Variants in SPAG9 observed in about 807,000 individuals in gnomAD.
The protein encoded by SPAG9 is C-Jun-amino-terminal kinase-interacting protein 4.
SPAG9 carries 35 observed loss-of-function variants against 166.5 expected under a neutral mutation model. The observed-to-expected ratio is 0.21, with a 90% confidence interval of 0.16 to 0.28. The LOEUF (loss-of-function observed/expected upper bound fraction) is 0.28. SPAG9 is among the 10% of genes least tolerant of loss of function. The pLI is 1.00. For synonymous variants in SPAG9, 534 were observed against 565.5 expected, an observed-to-expected ratio of 0.94 and a Z score of 0.79; for missense variants, 1,235 against 1,603.3, an observed-to-expected ratio of 0.77 and a Z score of 3.92.
rs115924146 is a variant in SPAG9 at position 51,032,479 on chromosome 17, A to T, written c.742-757T>A. On this transcript the variant is annotated intron_variant, in intron 5 of 29. Coordinates refer to ENST00000262013, the MANE Select transcript of SPAG9 (RefSeq NM_001130528.3). ...TGCCCAGTCCCAAATCCTTTTTCATAAAAATCTATTTATTCATATTCTTTA... is the reference window on the plus strand; with the variant it reads ...TGCCCAGTCCCAAATCCTTTTTCATTAAAATCTATTTATTCATATTCTTTA... Among the ~76,000 whole-genome samples the T allele has an allele frequency of 3.5e-3, 536 of 152,234 alleles. 2 individuals carry two copies. Among genetic ancestry groups the T allele is most frequent in the African/African-American group, 0.012 (515 of 41,546 alleles).
chr17:51,007,158 A>C, intron 10 of SPAG9, 111 bp downstream of exon 10: 4 of 538,202 alleles, frequency 7.4e-6, no homozygotes, highest in Non-Finnish European at 6.6e-6. Context: ...GAGTTGGGGA[A>C]CGAGATGGGA....
At chr17:51,105,660 G>C (rs1387044531) in intron 1 of SPAG9, among the ~76,000 whole-genome samples, 1 of 151,700 alleles carries the variant, frequency 6.6e-6, no homozygotes, top group East Asian at 2.0e-4. Context: ...ACGAGGTCAG[G>C]AGATCGAGGC....
At position 51,120,844 on chromosome 17, in the gene SPAG9, CCCAACCGCCGCTGCA is replaced by C; in HGVS notation, c.-203_-189del. Reference sequence around the variant, plus strand: ...GGAGGGGTGGCGTAGGCGCTCTCACCCCAACCGCCGCTGCACCAACTGCCGGGGCGGCCCGGCCGC... The same window carrying C: ...GGAGGGGTGGCGTAGGCGCTCTCACCCCAACTGCCGGGGCGGCCCGGCCGC... On this transcript the variant is annotated 5_prime_UTR_variant, in exon 1 of 30. Coordinates refer to ENST00000262013, the MANE Select transcript of SPAG9 (RefSeq NM_001130528.3). The surrounding 1 kb of genome is among the most constrained non-coding windows in gnomAD (Gnocchi z 4.7). The C allele has an allele frequency of 2.6e-6, 1 of 381,240 alleles. No homozygotes were observed. The allele number at this position is 381,240 out of a possible 1,614,324, so 23.6% of individuals were successfully genotyped here.
chr17:51,004,119 GA>G (rs1263385287), intron 12 of SPAG9, among the ~76,000 whole-genome samples: 2 of 152,116 alleles, frequency 1.3e-5, no homozygotes, highest in African/African-American at 4.8e-5. Flanking sequence ...CACAAAAAAG[GA>G]AAAATTAAAC....
At chr17:50,972,750 C>T (rs996584214) in intron 28 of SPAG9, among the ~76,000 whole-genome samples, 1 of 152,180 alleles carries the variant, frequency 6.6e-6, no homozygotes, top group Non-Finnish European at 1.5e-5. Flanking sequence ...TTCATTCATG[C>T]ATTACTCAAT....
At chr17:51,053,889 AT>A (rs2047276723) in intron 3 of SPAG9, among the ~76,000 whole-genome samples, 2 of 116,068 alleles carry the variant, frequency 1.7e-5, no homozygotes, top group African/African-American at 6.8e-5. Context: ...ATATATATAT[AT>A]ATATATATAA....
At chr17:51,052,075 T>C (rs1230289520) in intron 3 of SPAG9, among the ~76,000 whole-genome samples, 1 of 152,200 alleles carries the variant, frequency 6.6e-6, no homozygotes. Context: ...ACTATTTAAA[T>C]TTAAGAATAG....
intron 1 of SPAG9, among the ~76,000 whole-genome samples, chr17:51,105,625 C>T (rs181669701): frequency 6.6e-6 from 1 of 152,120 alleles, no homozygotes; most frequent in Non-Finnish European, 1.5e-5. Flanking sequence ...AATCCCAGCA[C>T]TTTGGGAGGC....
At chr17:51,119,629 A>AC (rs2049411593) in intron 1 of SPAG9, among the ~76,000 whole-genome samples, 2 of 152,168 alleles carry the variant, frequency 1.3e-5, no homozygotes, top group Admixed American at 6.6e-5. Context: ...ACTGTCACCT[A>AC]CATCTTCCCA....
chr17:50,970,617 TCA>T, intron 29 of SPAG9, 88 bp downstream of exon 29: 1 of 1,087,890 alleles, frequency 9.2e-7, no homozygotes, highest in Non-Finnish European at 1.3e-6. Flanking sequence ...CTCTTATAAA[TCA>T]TTATCAGAGT....
Position 51,047,456 on chromosome 17 carries a change from T to C in SPAG9, c.509A>G (p.Tyr170Cys). The part of the protein sequence containing the change: ...HQRHTEMIHN[Y>C]MEHLERTKLH... ...TTTTGTTCTTTCTAAATGTTCCATA[T>C]AATTATGGATCATCTATTTTAAAGA... Residue 170 changes from tyrosine (Y) to cysteine (C), a missense_variant, in exon 4 of 30, where the codon TAT becomes TGT. Tyr to Cys is a radical substitution (Grantham distance 194, BLOSUM62 -2). Transcript: ENST00000262013. 6.6e-7 allele frequency: 1 copy of C among 1,515,946 alleles called. No individual in the cohort carries two copies. The highest frequency in any genetic ancestry group is 9.0e-7 in the Non-Finnish European group (1 of 1,108,752). 93.9% of individuals were successfully genotyped at this position (1,515,946 alleles called of 1,614,324 possible).
chr17:51,005,703 T>G (rs1420317911), intron 11 of SPAG9, among the ~76,000 whole-genome samples: 2 of 152,182 alleles, frequency 1.3e-5, no homozygotes. Context: ...GTACAAAAAT[T>G]AGCTGTGTGT....
At chr17:51,119,103 C>T (rs894722625) in intron 1 of SPAG9, among the ~76,000 whole-genome samples, 16 of 150,854 alleles carry the variant, frequency 1.1e-4, no homozygotes, top group African/African-American at 3.9e-4. Context: ...AAATTGGATC[C>T]CACAATCAGA....
At chr17:50,994,046 A>G in intron 18 of SPAG9, 111 bp from the exon 19 acceptor site, 1 of 1,046,638 alleles carries the variant, frequency 9.6e-7, no homozygotes, top group Non-Finnish European at 1.4e-6. Flanking sequence ...TTTCCAGATT[A>G]TTTGGAAGGG....
At chr17:50,979,652 G>T in intron 26 of SPAG9, 94 bp downstream of exon 26, 2 of 1,246,290 alleles carry the variant, frequency 1.6e-6, no homozygotes, top group Non-Finnish European at 1.1e-6. Flanking sequence ...TCCATCCTGG[G>T]CAACAAAGCA....
At chr17:51,039,236 G>A (rs2046736887) in intron 5 of SPAG9, among the ~76,000 whole-genome samples, 1 of 152,022 alleles carries the variant, frequency 6.6e-6, no homozygotes, top group Non-Finnish European at 1.5e-5. Context: ...CAATCTCAGG[G>A]GAAATGATAT....
chr17:50,998,649 T>G (rs372283843), intron 14 of SPAG9, 32 bp from the exon 15 acceptor site: 1 of 1,594,426 alleles, frequency 6.3e-7, no homozygotes, highest in African/African-American at 1.3e-5. Context: ...GTGTGTCACA[T>G]GTACTATGAG....
intron 26 of SPAG9, among the ~76,000 whole-genome samples, chr17:50,977,806 C>A (rs569594765): frequency 6.6e-6 from 1 of 152,058 alleles, no homozygotes. Context: ...GTCACTTGAG[C>A]GCAGGAGTTT....
intron 1 of SPAG9, among the ~76,000 whole-genome samples, chr17:51,095,945 T>TGA (rs1555659765): frequency 1.1e-3 from 116 of 109,910 alleles, no homozygotes; most frequent in African/African-American, 4.7e-3. Context: ...AGTGATATAG[T>TGA]TATATATATA....
Sources: allele counts gnomAD v4.1 joint callset (sites outside exome capture counted in the v4.1 genomes callset), GRCh38; gene constraint gnomAD v4.1.1; non-coding constraint Gnocchi (gnomAD v3.1); transcripts MANE v1.5; gene names NCBI Gene and HGNC (gene_info 2026-07-23, HGNC 2026-07-21).